Variants in MIS18A observed in about 807,000 individuals in gnomAD.
The protein encoded by MIS18A is protein Mis18-alpha.
A neutral mutation model predicts 25.0 loss-of-function variants in MIS18A; 14 were observed. That is an observed-to-expected ratio of 0.56 (90% CI 0.37 to 0.88). The LOEUF (loss-of-function observed/expected upper bound fraction) is 0.88. Ranked by LOEUF, MIS18A falls within the 40% of genes least tolerant of loss-of-function variation. The probability of loss-of-function intolerance (pLI) is 0.00; values close to 1 mark genes in which losing one functional copy is unlikely to be tolerated. For missense variants in MIS18A, 292 were observed against 290.8 expected (o/e 1.00, Z -0.03); for synonymous variants, 134 against 118.6 (o/e 1.13, Z -0.84).
chr21:32,275,172 G>A (rs1484486238), intron 1 of MIS18A, among the ~76,000 whole-genome samples: 1 of 152,056 alleles, frequency 6.6e-6, no homozygotes, highest in Non-Finnish European at 1.5e-5. Context: ...CCAGGAGTTC[G>A]AGGTCAGCCT....
the MIS18A span, among the ~76,000 whole-genome samples, chr21:32,257,716 C>T: frequency 7.2e-5 from 11 of 152,182 alleles, no homozygotes; most frequent in Admixed American, 7.2e-4. Flanking sequence ...AGATGGACGC[C>T]AGGGATGTGA....
At chr21:32,180,266 C>T in the MIS18A span, among the ~76,000 whole-genome samples, 3 of 152,200 alleles carry the variant, frequency 2.0e-5, no homozygotes, top group South Asian at 4.2e-4. Flanking sequence ...CAGAAGTCAC[C>T]CAAGCTGGAA....
chr21:32,236,391 CA>C, the MIS18A span, among the ~76,000 whole-genome samples: 1 of 151,446 alleles, frequency 6.6e-6, no homozygotes, highest in Non-Finnish European at 1.5e-5. Context: ...TCAACAACAA[CA>C]AAAAAAAGAG....
At position 32,278,367 on chromosome 21, in the gene MIS18A, TTC is replaced by T. The variant is rs529061394; in HGVS notation, c.334+312_334+313del. ...GCTTACAGTCTAGTTGACCATTTGT[TTC>T]TCTTTTTTTAGGGTCTTTAAAAGTG... On this transcript the variant is annotated intron_variant, in intron 1 of 4. Transcript: ENST00000290130. 8.7e-5 allele frequency: 33 copies of T among 379,570 alleles called. 1 individual carries two copies. The highest frequency in any genetic ancestry group is 6.6e-4 in the African/African-American group (31 of 47,122). 23.5% of individuals were successfully genotyped at this position (379,570 alleles called of 1,614,324 possible).
chr21:32,270,134 T>C (rs1468621533), intron 3 of MIS18A, among the ~76,000 whole-genome samples: 1 of 152,176 alleles, frequency 6.6e-6, no homozygotes, highest in Non-Finnish European at 1.5e-5. Context: ...GGCAATATCC[T>C]ACTGAACTAC....
At chr21:32,235,969 C>CA in the MIS18A span, among the ~76,000 whole-genome samples, 1 of 152,150 alleles carries the variant, frequency 6.6e-6, no homozygotes, top group Non-Finnish European at 1.5e-5. Flanking sequence ...AAGAGCCCCC[C>CA]TGCAAGTGGC....
At chr21:32,192,499 G>C in the MIS18A span, among the ~76,000 whole-genome samples, 1 of 152,268 alleles carries the variant, frequency 6.6e-6, no homozygotes, top group African/African-American at 2.4e-5. Flanking sequence ...GGCCACCAAA[G>C]CCACACTGAA....
At chr21:32,164,570 C>T in the MIS18A span, among the ~76,000 whole-genome samples, 1 of 151,932 alleles carries the variant, frequency 6.6e-6, no homozygotes, top group Non-Finnish European at 1.5e-5. Context: ...CAACTTAACA[C>T]AGTAAACTGG....
chr21:32,245,219 A>G, the MIS18A span, among the ~76,000 whole-genome samples: 1 of 152,200 alleles, frequency 6.6e-6, no homozygotes, highest in African/African-American at 2.4e-5. Flanking sequence ...AAATTAAAAG[A>G]ATGCTCCTGA....
At chr21:32,264,871 G>T (rs952392631), downstream of MIS18A, among the ~76,000 whole-genome samples, 23 of 152,204 alleles carry the variant, frequency 1.5e-4, no homozygotes, top group African/African-American at 5.3e-4. Context: ...GCCTCCAGTG[G>T]ACTCTTTAGC....
the MIS18A span, among the ~76,000 whole-genome samples, chr21:32,195,481 G>A: frequency 2.6e-5 from 4 of 152,190 alleles, no homozygotes; most frequent in Admixed American, 6.5e-5. Flanking sequence ...ACGGGGGCTG[G>A]CTGGTGCCCC....
chr21:32,250,677 T>C, the MIS18A span, among the ~76,000 whole-genome samples: 21 of 152,330 alleles, frequency 1.4e-4, no homozygotes, highest in Middle Eastern at 3.4e-3. Flanking sequence ...TGTGTAGCCA[T>C]CTAGACGCCC....
the MIS18A span, among the ~76,000 whole-genome samples, chr21:32,192,361 C>T: frequency 1.3e-5 from 2 of 152,170 alleles, no homozygotes; most frequent in East Asian, 1.9e-4. Flanking sequence ...CTGCGTCTCC[C>T]CTCTGCTCAG....
the MIS18A span, among the ~76,000 whole-genome samples, chr21:32,241,139 G>A: frequency 6.6e-6 from 1 of 152,122 alleles, no homozygotes; most frequent in African/African-American, 2.4e-5. Context: ...TTTTTTCAGA[G>A]TCAACATAGA....
chr21:32,265,111 G>C (rs992393559), downstream of MIS18A, among the ~76,000 whole-genome samples: 1 of 152,158 alleles, frequency 6.6e-6, no homozygotes, highest in Non-Finnish European at 1.5e-5. Flanking sequence ...GCCTCTGCTG[G>C]GTCCCGTGTG....
the MIS18A span, among the ~76,000 whole-genome samples, chr21:32,196,091 G>A: frequency 9.2e-5 from 14 of 152,036 alleles, no homozygotes; most frequent in Admixed American, 9.2e-4. Flanking sequence ...CCATGGGGGT[G>A]TCCAGATATT....
At chr21:32,266,829 T>C (rs941530639), downstream of MIS18A, among the ~76,000 whole-genome samples, 19 of 152,174 alleles carry the variant, frequency 1.2e-4, no homozygotes, top group Non-Finnish European at 2.1e-4. Context: ...TTCTGGACCC[T>C]TACTCCTGCT....
the MIS18A span, among the ~76,000 whole-genome samples, chr21:32,188,019 CTGTCCCTT>C: frequency 6.6e-6 from 1 of 151,672 alleles, no homozygotes; most frequent in Non-Finnish European, 1.5e-5. Context: ...CTCTCTCTCT[CTGTCCCTT>C]TCTCTCTCTC....
the MIS18A span, among the ~76,000 whole-genome samples, chr21:32,164,055 A>G: frequency 6.6e-6 from 1 of 152,148 alleles, no homozygotes; most frequent in Non-Finnish European, 1.5e-5. Context: ...ACTAAGAGTA[A>G]GAACTCATTC....
Sources: gnomAD v4.1 joint callset for allele counts (sites outside exome capture counted in the v4.1 genomes callset) on GRCh38, gnomAD v4.1.1 for gene constraint, MANE v1.5 for transcripts, NCBI Gene and HGNC (gene_info 2026-07-23, HGNC 2026-07-21) for gene names.